RGS6: variants seen among roughly 807,000 people sequenced by gnomAD.
RGS6 encodes the protein regulator of G-protein signaling 6.
In RGS6, 30 loss-of-function variants were observed where a neutral mutation model predicts 78.5. That is an observed-to-expected ratio of 0.38 (90% CI 0.29 to 0.52). The LOEUF is 0.52. Among genes scored for constraint, RGS6 ranks in the 20% least tolerant of loss-of-function variants. The probability of loss-of-function intolerance (pLI) is 0.85; values close to 1 mark genes in which losing one functional copy is unlikely to be tolerated. For missense variants in RGS6, 495 were observed against 609.7 expected (o/e 0.81, Z 1.98); for synonymous variants, 206 against 206.0 (o/e 1.00, Z 0.00).
intron 10 of RGS6, among the ~76,000 whole-genome samples, chr14:72,476,444 C>A (rs950386015): frequency 1.3e-5 from 2 of 152,198 alleles, no homozygotes; most frequent in Non-Finnish European, 2.9e-5. Context: ...CTTTTCCAAG[C>A]ACACCCAGGT....
chr14:72,600,999 GA>G, the RGS6 span, among the ~76,000 whole-genome samples: 1 of 145,618 alleles, frequency 6.9e-6, no homozygotes. Context: ...AGAGGAGGAG[GA>G]GGGGGGAGAG....
chr14:72,134,126 C>T (rs903558909), intron 2 of RGS6, among the ~76,000 whole-genome samples: 2 of 152,184 alleles, frequency 1.3e-5, no homozygotes, highest in African/African-American at 4.8e-5. Context: ...TAGCCACTTG[C>T]CTCAACCCCC....
the RGS6 span, among the ~76,000 whole-genome samples, chr14:71,881,724 G>T: frequency 6.6e-6 from 1 of 152,140 alleles, no homozygotes; most frequent in Non-Finnish European, 1.5e-5. Flanking sequence ...GTCTTTATCA[G>T]CAGTGTGAGA....
At position 72,325,836 on chromosome 14, in the gene RGS6, T is replaced by C. The variant is rs147543541; in HGVS notation, c.85-26259T>C. On this transcript the variant is annotated intron_variant, in intron 2 of 17. Coordinates refer to ENST00000553525, the MANE Select transcript of RGS6 (RefSeq NM_001204424.2). The stretch of plus-strand genomic sequence containing the variant: ...ATTAAGACTACTGAGAGATGCTGAT[T>C]TAAAAAAAAAAGCCTGCCAGATTTC... 2.9e-4 allele frequency among the ~76,000 whole-genome samples: 44 copies of C among 152,152 alleles called. 1 individual carries two copies. The East Asian group carries it at 6.7e-3, about 23-fold the overall frequency.
chr14:72,038,985 T>A (rs915764083), intron 2 of RGS6, among the ~76,000 whole-genome samples: 1 of 152,240 alleles, frequency 6.6e-6, no homozygotes, highest in African/African-American at 2.4e-5. Flanking sequence ...CTTGTTTTCA[T>A]TCACAGGAGG....
chr14:72,218,639 G>A (rs1237629834), intron 2 of RGS6, among the ~76,000 whole-genome samples: 1 of 151,894 alleles, frequency 6.6e-6, no homozygotes, highest in Admixed American at 6.6e-5. Context: ...TTGAGATGGA[G>A]TCTCTCTCTG....
chr14:72,413,815 C>T (rs1455857768), intron 3 of RGS6, among the ~76,000 whole-genome samples: 1 of 152,148 alleles, frequency 6.6e-6, no homozygotes, highest in African/African-American at 2.4e-5. Flanking sequence ...TTTTATTTCT[C>T]CTTCACTTAT....
chr14:71,955,816 A>G (rs2092744051), intron 1 of RGS6, among the ~76,000 whole-genome samples: 1 of 125,022 alleles, frequency 8.0e-6, no homozygotes, highest in South Asian at 2.7e-4. Flanking sequence ...AATGCAGCCC[A>G]GTAGGTCTCA....
At chr14:72,250,471 T>C (rs1314782384) in intron 2 of RGS6, among the ~76,000 whole-genome samples, 2 of 150,180 alleles carry the variant, frequency 1.3e-5, no homozygotes, top group African/African-American at 4.9e-5. Context: ...AGAAGTCCAT[T>C]TAGTCTGGTA....
chr14:72,052,977 CTTTCTT>C (rs1346710111), intron 2 of RGS6, among the ~76,000 whole-genome samples: 19 of 45,606 alleles, frequency 4.2e-4, no homozygotes, highest in Admixed American at 1.3e-3. Context: ...TTCTTTCTTT[CTTTCTT>C]TCTCTCTCTC....
chr14:72,068,059 G>A (rs1219432272), intron 2 of RGS6, among the ~76,000 whole-genome samples: 1 of 151,982 alleles, frequency 6.6e-6, no homozygotes, highest in Non-Finnish European at 1.5e-5. Context: ...GCTGATGGGG[G>A]GATACTTTAG....
At chr14:72,592,452 T>C in the RGS6 span, among the ~76,000 whole-genome samples, 1 of 152,256 alleles carries the variant, frequency 6.6e-6, no homozygotes, top group African/African-American at 2.4e-5. Context: ...GGTGTTAAGC[T>C]GAAGGTTTGC....
chr14:72,055,711 T>A lies in RGS6; in HGVS notation c.84+90836T>A, dbSNP rs189881123. On this transcript the variant is annotated intron_variant, in intron 2 of 17. Transcript: ENST00000553525. ...ACGTGCAGTCAAGGTTGAGAATCAC[T>A]GCTTTAAAATACAGAAATCTTGACA... Among the ~76,000 whole-genome samples the A allele has an allele frequency of 2.3e-4, 35 of 152,314 alleles. 2 individuals carry two copies. Among genetic ancestry groups the A allele is most frequent in the African/African-American group, 7.7e-4 (32 of 41,582 alleles).
At chr14:71,958,485 T>C (rs2092957040) in intron 1 of RGS6, among the ~76,000 whole-genome samples, 1 of 152,228 alleles carries the variant, frequency 6.6e-6, no homozygotes, top group Admixed American at 6.5e-5. Flanking sequence ...GTGATTAGCA[T>C]TTGTTCCATT....
At chr14:72,438,155 T>G (rs2095026973) in intron 3 of RGS6, among the ~76,000 whole-genome samples, 1 of 152,076 alleles carries the variant, frequency 6.6e-6, no homozygotes, top group African/African-American at 2.4e-5. Context: ...GAGAGGGGAA[T>G]GGACTGCCAT....
intron 2 of RGS6, among the ~76,000 whole-genome samples, chr14:72,126,399 A>G (rs1187913698): frequency 2.6e-5 from 4 of 152,198 alleles, no homozygotes; most frequent in Admixed American, 6.5e-5. Context: ...TCTCCCCACC[A>G]TCTCTAGCCA....
At chr14:72,297,914 C>A (rs1369670743) in intron 2 of RGS6, among the ~76,000 whole-genome samples, 1 of 150,924 alleles carries the variant, frequency 6.6e-6, no homozygotes, top group Non-Finnish European at 1.5e-5. Flanking sequence ...TTGATGAATT[C>A]TTTATGTAGA....
chr14:71,869,934 C>T, the RGS6 span, among the ~76,000 whole-genome samples: 3 of 152,172 alleles, frequency 2.0e-5, no homozygotes, highest in Non-Finnish European at 2.9e-5. Flanking sequence ...AGCAAGAAGT[C>T]GCTTGCTGGA....
At chr14:71,882,350 A>G in the RGS6 span, among the ~76,000 whole-genome samples, 1 of 152,176 alleles carries the variant, frequency 6.6e-6, no homozygotes, top group Admixed American at 6.5e-5. Flanking sequence ...TTATCCATTC[A>G]TGTGTTGATG....
Sources: allele counts gnomAD v4.1 joint callset (sites outside exome capture counted in the v4.1 genomes callset), GRCh38; gene constraint gnomAD v4.1.1; transcripts MANE v1.5; gene names NCBI Gene and HGNC (gene_info 2026-07-23, HGNC 2026-07-21).